Variants in IL4I1 observed in about 807,000 individuals in gnomAD.
IL4I1 encodes the protein interleukin 4 induced 1.
IL4I1 carries 24 observed loss-of-function variants against 29.7 expected under a neutral mutation model. The ratio of observed to expected loss-of-function variants is 0.81; its 90% CI spans 0.59 to 1.14. IL4I1 has a LOEUF of 1.14. Ranked by LOEUF, IL4I1 falls within the 50% of genes most tolerant of loss-of-function variation. The probability of loss-of-function intolerance (pLI) is 0.00; values close to 1 mark genes in which losing one functional copy is unlikely to be tolerated. For synonymous variants in IL4I1, 371 were observed against 352.5 expected (o/e 1.05, Z -0.59); for missense variants, 686 against 785.6 (o/e 0.87, Z 1.52).
At chr19:49,919,979 G>A (rs1479722795) in intron 2 of IL4I1, among the ~76,000 whole-genome samples, 1 of 152,038 alleles carries the variant, frequency 6.6e-6, no homozygotes, top group African/African-American at 2.4e-5. Flanking sequence ...CCAGGCTGGA[G>A]TGCAGTGGTG....
chr19:49,909,928 G>A (rs962247850), intron 2 of IL4I1: 4 of 1,065,580 alleles, frequency 3.8e-6, no homozygotes, highest in Non-Finnish European at 5.7e-6. Context: ...GTTTTGGAAA[G>A]GCAAGCTCAG....
At chr19:49,907,209 A>C in intron 2 of IL4I1, 1 of 220,660 alleles carries the variant, frequency 4.5e-6, no homozygotes, top group Non-Finnish European at 9.3e-6. Context: ...TAGCATAACA[A>C]GTGCCACCCA....
intron 3 of IL4I1, among the ~76,000 whole-genome samples, chr19:49,902,664 C>G (rs867157901): frequency 1.8e-4 from 27 of 152,050 alleles, no homozygotes; most frequent in African/African-American, 6.5e-4. Context: ...CCCATCTCTA[C>G]TAAAAATACA....
intron 3 of IL4I1, 86 bp downstream of exon 3, chr19:49,895,729 G>T: frequency 1.4e-6 from 1 of 693,130 alleles, no homozygotes; most frequent in Non-Finnish European, 2.4e-6. Flanking sequence ...ACCCCCTCAA[G>T]GAGGAACGCG....
At chr19:49,890,890 C>G (rs973682644) in intron 7 of IL4I1, 81 bp downstream of exon 7, 13 of 1,203,880 alleles carry the variant, frequency 1.1e-5, no homozygotes, top group Non-Finnish European at 1.5e-5. Flanking sequence ...CGCCCCCAGA[C>G]CCAGAGGCTC....
chr19:49,890,400 G>A lies in IL4I1; in HGVS notation c.974C>T (p.Pro325Leu). ...ADVVLLTASG[P>L]AVKRITFSPP... ...CGAGAAGGTGATGCGCTTCACCGCC[G>A]GTCCGCTCGCCGTCAGCAGCACCAC... The change falls in exon 8 of 8, where the codon CCG (proline) becomes CTG (leucine). Residue 325 changes from proline (P) to leucine (L), a missense_variant. Pro to Leu is a moderately conservative substitution (Grantham distance 98, BLOSUM62 -3). Coordinates refer to ENST00000391826, the MANE Select transcript of IL4I1 (RefSeq NM_152899.2). The A allele has an allele frequency of 6.2e-7, 1 of 1,606,920 alleles. No individual in the cohort carries two copies.
chr19:49,897,531 C>A (rs2075227308), upstream of IL4I1, among the ~76,000 whole-genome samples: 1 of 152,224 alleles, frequency 6.6e-6, no homozygotes, highest in African/African-American at 2.4e-5. Context: ...AGGTTAAGTT[C>A]TGTGGCCGGA....
At chr19:49,909,928 G>C in intron 2 of IL4I1, 11 of 1,065,698 alleles carry the variant, frequency 1.0e-5, no homozygotes, top group Non-Finnish European at 1.6e-5. Flanking sequence ...GTTTTGGAAA[G>C]GCAAGCTCAG....
intron 5 of IL4I1, among the ~76,000 whole-genome samples, chr19:49,893,352 C>T (rs2075162776): frequency 6.8e-6 from 1 of 146,652 alleles, no homozygotes; most frequent in Non-Finnish European, 1.5e-5. Context: ...GCACAAGCGT[C>T]AGGCGGCAGG....
chr19:49,898,733 G>T (rs1398958350), upstream of IL4I1, among the ~76,000 whole-genome samples: 1 of 152,160 alleles, frequency 6.6e-6, no homozygotes, highest in Non-Finnish European at 1.5e-5. Flanking sequence ...GCCAGGCGTG[G>T]TGGTGCACAC....
At chr19:49,920,344 G>T (rs1183229799) in intron 2 of IL4I1, among the ~76,000 whole-genome samples, 6 of 152,152 alleles carry the variant, frequency 3.9e-5, no homozygotes, top group Non-Finnish European at 7.4e-5. Flanking sequence ...GTCTCCCAAG[G>T]TGCTGGGATT....
chr19:49,892,366 G>C (rs1262764728), intron 5 of IL4I1, among the ~76,000 whole-genome samples: 1 of 152,204 alleles, frequency 6.6e-6, no homozygotes, highest in Non-Finnish European at 1.5e-5. Context: ...ACAGGCGTGA[G>C]CCACTGCGTG....
chr19:49,908,543 T>G, intron 2 of IL4I1: 1 of 1,614,136 alleles, frequency 6.2e-7, no homozygotes, highest in East Asian at 2.2e-5. Context: ...GTGCTGCAGG[T>G]AGATGGTCCC....
chr19:49,915,715 C>T (rs1213282287), intron 2 of IL4I1, among the ~76,000 whole-genome samples: 1 of 152,192 alleles, frequency 6.6e-6, no homozygotes, highest in Non-Finnish European at 1.5e-5. Flanking sequence ...CAGGTCTGCC[C>T]TTGTGCATGG....
intron 2 of IL4I1, among the ~76,000 whole-genome samples, chr19:49,917,161 A>G (rs1400886736): frequency 6.6e-6 from 1 of 152,214 alleles, no homozygotes; most frequent in Non-Finnish European, 1.5e-5. Flanking sequence ...GAGGGAGTGG[A>G]GAGGAGAGAA....
At position 49,890,425 on chromosome 19, in the gene IL4I1, C is replaced by A; in HGVS notation, c.949G>T (p.Val317Leu). ...ARNLKVLKAD[V>L]VLLTASGPAV... ...GGTCCGCTCGCCGTCAGCAGCACCA[C>A]GTCGGCCTTCAGCACCTTCAGATTC... The change falls in exon 8 of 8, where the codon GTG becomes TTG. Residue 317 changes from valine (V) to leucine (L), a missense_variant. Transcript: ENST00000391826. The A allele has an allele frequency of 1.2e-6, 2 of 1,610,378 alleles. No individual in the cohort carries two copies. Among genetic ancestry groups the A allele is most frequent in the Non-Finnish European group, 1.7e-6 (2 of 1,179,432 alleles).
upstream of IL4I1, among the ~76,000 whole-genome samples, chr19:49,898,470 C>T (rs891625681): frequency 3.9e-5 from 6 of 152,228 alleles, no homozygotes; most frequent in African/African-American, 4.8e-5. Context: ...GAAACCCTTT[C>T]TCTAAAAAAG....
chr19:49,903,008 A>G (rs2075284218), intron 3 of IL4I1, among the ~76,000 whole-genome samples: 11 of 151,864 alleles, frequency 7.2e-5, no homozygotes, highest in Admixed American at 5.9e-4. Flanking sequence ...CCAGCTACTC[A>G]GGAGGCTGAG....
intron 2 of IL4I1, among the ~76,000 whole-genome samples, chr19:49,925,721 G>A (rs1435482029): frequency 6.6e-6 from 1 of 152,188 alleles, no homozygotes; most frequent in Non-Finnish European, 1.5e-5. Flanking sequence ...TCAGCATCAA[G>A]TGTGGTCAGA....
Sources: allele counts gnomAD v4.1 joint callset (sites outside exome capture counted in the v4.1 genomes callset), GRCh38; gene constraint gnomAD v4.1.1; transcripts MANE v1.5; gene names NCBI Gene and HGNC (gene_info 2026-07-23, HGNC 2026-07-21).